Variants in PLEKHB2 observed in about 807,000 individuals in gnomAD.
PLEKHB2 encodes pleckstrin homology domain containing B2.
In PLEKHB2, 31 loss-of-function variants were observed where a neutral mutation model predicts 36.5. That is an observed-to-expected ratio of 0.85 (90% CI 0.64 to 1.15). The LOEUF (loss-of-function observed/expected upper bound fraction) is 1.15. PLEKHB2 is among the 50% of genes most tolerant of loss of function. PLEKHB2 has a pLI of 0.00. For synonymous variants in PLEKHB2, 119 were observed against 112.0 expected, an observed-to-expected ratio of 1.06 and a Z score of -0.39; for missense variants, 262 against 295.3, an observed-to-expected ratio of 0.89 and a Z score of 0.83.
rs943403287 is a variant in PLEKHB2, at chr2:131,149,060, A to C, written c.*2287A>C. 2.0e-5 allele frequency: 3 copies of C among 151,960 alleles called. 1 individual carries two copies. The South Asian group carries it at 6.2e-4, about 32-fold the overall frequency. The allele number at this position is 151,960 out of a possible 1,614,324, so 9.4% of individuals were successfully genotyped here. A position where few individuals can be genotyped will look rare whatever the true frequency, so the allele number is the denominator to read the frequency against. ...GGGAGGTGTAGACTGAAGCTTGGGCACTCATGTGTGTCCCCTCCCCAGTCC... is the reference window on the plus strand; with the variant it reads ...GGGAGGTGTAGACTGAAGCTTGGGCCCTCATGTGTGTCCCCTCCCCAGTCC... On this transcript the variant is annotated 3_prime_UTR_variant, in exon 8 of 8. Transcript: ENST00000693505.
At chr2:131,105,893 T>C (rs985821974) in intron 1 of PLEKHB2, among the ~76,000 whole-genome samples, 4 of 152,190 alleles carry the variant, frequency 2.6e-5, no homozygotes, top group African/African-American at 9.6e-5. Context: ...TGCTGCTCCC[T>C]CTGCTCCAGG....
chr2:131,126,585 AT>A, intron 3 of PLEKHB2, 98 bp from the exon 4 acceptor site: 1 of 732,270 alleles, frequency 1.4e-6, no homozygotes, highest in South Asian at 1.5e-5. Context: ...GTAGCACTTG[AT>A]TTATTGTCTA....
Position 131,140,221 on chromosome 2 carries a change from G to A in PLEKHB2, c.478G>A (p.Val160Ile), listed in dbSNP as rs148651688. The change falls in exon 7 of 8, where the codon GTC (valine) becomes ATC (isoleucine). Residue 160 changes from valine (V) to isoleucine (I), a missense_variant. Transcript: ENST00000693505. Reference protein sequence around the residue: ...GGAYPPGTQVVYAANGQAYAV... With the variant: ...GGAYPPGTQVIYAANGQAYAV... ...TGCGTACCCGCCAGGAACTCAAGTT[G>A]TCTACGCTGCGAATGGGCAGGCGTA... is the stretch of plus-strand genomic sequence containing the variant. The A allele has an allele frequency of 9.9e-6, 16 of 1,613,770 alleles. No individual in the cohort carries two copies. Among genetic ancestry groups the A allele is most frequent in the Non-Finnish European group, 1.4e-5 (16 of 1,179,770 alleles).
rs113608574 is a variant in PLEKHB2 at position 131,125,062 on chromosome 2, G to A, written c.38-691G>A. ...GCCTCCCAAAGTGCTGGGATTACAC[G>A]CGTGAACCACCGTGCCTGGCCAAAA... On this transcript the variant is annotated intron_variant, in intron 2 of 7. Coordinates refer to ENST00000693505, the MANE Select transcript of PLEKHB2 (RefSeq NM_001100623.2). Among the ~76,000 whole-genome samples the A allele has an allele frequency of 3.1e-3, 479 of 152,234 alleles. 3 individuals are homozygous for A. Among genetic ancestry groups the A allele is most frequent in the African/African-American group, 5.8e-3 (242 of 41,534 alleles).
At chr2:131,105,859 C>G (rs1694663912) in intron 1 of PLEKHB2, among the ~76,000 whole-genome samples, 1 of 152,152 alleles carries the variant, frequency 6.6e-6, no homozygotes, top group African/African-American at 2.4e-5. Flanking sequence ...CGCCTGGGGT[C>G]TCCCGGCGTC....
chr2:131,114,003 A>G (rs980012417), intron 1 of PLEKHB2, among the ~76,000 whole-genome samples: 3 of 152,140 alleles, frequency 2.0e-5, no homozygotes, highest in Non-Finnish European at 4.4e-5. Context: ...AGCACATAAC[A>G]AAGTAGAGGT....
chr2:131,130,531 A>G lies in PLEKHB2; in HGVS notation c.294-190A>G, dbSNP rs1299058340. ...GTATAGTATAGATTATGTTTTAAATATTACATATCTATTATGTATGTAATT... is the reference window on the plus strand; with the variant it reads ...GTATAGTATAGATTATGTTTTAAATGTTACATATCTATTATGTATGTAATT... On this transcript the variant is annotated intron_variant, in intron 4 of 7. Transcript: ENST00000693505. Among the ~76,000 whole-genome samples the G allele has an allele frequency of 3.3e-5, 5 of 152,216 alleles. No homozygotes were observed. In the South Asian group the frequency reaches 6.2e-4, roughly 19 times the overall value.
chr2:131,112,943 T>A (rs981618399), intron 1 of PLEKHB2, among the ~76,000 whole-genome samples: 32 of 152,296 alleles, frequency 2.1e-4, no homozygotes, highest in Non-Finnish European at 1.2e-4. Context: ...GATCACATGT[T>A]CCAGAGGCCC....
chr2:131,130,160 C>A (rs1482313869), intron 4 of PLEKHB2, among the ~76,000 whole-genome samples: 1 of 152,138 alleles, frequency 6.6e-6, no homozygotes, highest in Admixed American at 6.5e-5. Context: ...TCTCCCACCT[C>A]AGCCTCCCAA....
At chr2:131,142,877 TC>T (rs1015479227) in intron 7 of PLEKHB2, among the ~76,000 whole-genome samples, 1 of 151,732 alleles carries the variant, frequency 6.6e-6, no homozygotes, top group African/African-American at 2.4e-5. Flanking sequence ...TCTTTTTTTC[TC>T]CCCCCCAACT....
At chr2:131,132,830 G>T in intron 5 of PLEKHB2, 72 bp from the exon 6 acceptor site, 1 of 822,144 alleles carries the variant, frequency 1.2e-6, no homozygotes, top group South Asian at 1.5e-5. Context: ...TAAATAAAAG[G>T]GACAATGCAC....
intron 6 of PLEKHB2, among the ~76,000 whole-genome samples, chr2:131,137,664 C>G (rs1698403609): frequency 6.6e-6 from 1 of 152,158 alleles, no homozygotes; most frequent in African/African-American, 2.4e-5. Context: ...TGATAGTTTA[C>G]TAAAGGTTTT....
At chr2:131,108,494 G>A (rs1694958170) in intron 1 of PLEKHB2, among the ~76,000 whole-genome samples, 1 of 152,196 alleles carries the variant, frequency 6.6e-6, no homozygotes, top group Non-Finnish European at 1.5e-5. Context: ...GAAGTCTTCT[G>A]AGCCATTTGA....
chr2:131,116,063 T>C (rs1448614910), intron 1 of PLEKHB2, among the ~76,000 whole-genome samples: 2 of 152,216 alleles, frequency 1.3e-5, no homozygotes, highest in African/African-American at 2.4e-5. Context: ...AATTACTCTT[T>C]TAAAAAGTGA....
intron 6 of PLEKHB2, among the ~76,000 whole-genome samples, chr2:131,138,831 T>C (rs1166625324): frequency 6.6e-6 from 1 of 151,792 alleles, no homozygotes; most frequent in Non-Finnish European, 1.5e-5. Context: ...TGGGTGGGAG[T>C]GGGGTTCTGG....
chr2:131,140,296 A>C (rs779945408), intron 7 of PLEKHB2, 21 bp downstream of exon 7: 5 of 1,302,652 alleles, frequency 3.8e-6, no homozygotes, highest in Non-Finnish European at 5.6e-6. Context: ...CCGGCCTTTC[A>C]TTCCTCATTT....
At chr2:131,127,889 C>G (rs1056260110) in intron 4 of PLEKHB2, among the ~76,000 whole-genome samples, 1 of 152,168 alleles carries the variant, frequency 6.6e-6, no homozygotes, top group Non-Finnish European at 1.5e-5. Context: ...GGGGCCTCAG[C>G]AGAGGCTGGA....
chr2:131,146,293 T>C (rs1446981729), intron 7 of PLEKHB2, among the ~76,000 whole-genome samples: 2 of 152,218 alleles, frequency 1.3e-5, no homozygotes, highest in African/African-American at 2.4e-5. Flanking sequence ...TGGGCTTTTG[T>C]TGGGCACTGT....
At chr2:131,130,199 A>C (rs528118322) in intron 4 of PLEKHB2, among the ~76,000 whole-genome samples, 1 of 152,024 alleles carries the variant, frequency 6.6e-6, no homozygotes, top group Admixed American at 6.6e-5. Context: ...ATGCGCCACC[A>C]TGCCCGGCTA....
Sources: allele counts gnomAD v4.1 joint callset (sites outside exome capture counted in the v4.1 genomes callset), GRCh38; gene constraint gnomAD v4.1.1; transcripts MANE v1.5; gene names NCBI Gene and HGNC (gene_info 2026-07-23, HGNC 2026-07-21).